Variants in DERA observed in about 807,000 individuals in gnomAD.
The protein encoded by DERA is 2-deoxy-D-ribose 5-phosphate aldolase.
A neutral mutation model predicts 41.1 loss-of-function variants in DERA; 15 were observed. The observed-to-expected ratio is 0.37, with a 90% CI of 0.24 to 0.56. DERA has a LOEUF of 0.56. Ranked by LOEUF, DERA falls within the 20% of genes least tolerant of loss-of-function variation. The pLI, the probability that DERA is intolerant of heterozygous loss-of-function variation, is 0.81. For missense variants in DERA, 396 were observed against 403.4 expected, an observed-to-expected ratio of 0.98 and a Z score of 0.16; for synonymous variants, 139 against 137.4, an observed-to-expected ratio of 1.01 and a Z score of -0.08.
rs529932657 is a variant in DERA, at chr12:16,021,634, G to A, written c.638-10908G>A. 6.6e-5 allele frequency among the ~76,000 whole-genome samples: 10 copies of A among 152,346 alleles called. No homozygotes were observed. The highest frequency in any genetic ancestry group is 2.4e-4 in the African/African-American group (10 of 41,578). Reference sequence around the variant, plus strand: ...GCAACTACCACATGGAAAAGCCACAGGGCAGAGCTTTCCAAGGACTTAGGA... The same window carrying A: ...GCAACTACCACATGGAAAAGCCACAAGGCAGAGCTTTCCAAGGACTTAGGA... On this transcript the variant is annotated intron_variant, in intron 6 of 8. Coordinates refer to ENST00000428559, the MANE Select transcript of DERA (RefSeq NM_015954.4). This position sits in a 1 kb window ranked among gnomAD's most constrained non-coding sequence, Gnocchi z 5.3.
intron 1 of DERA, among the ~76,000 whole-genome samples, chr12:15,949,175 A>G (rs1948476320): frequency 1.3e-5 from 2 of 152,136 alleles, no homozygotes; most frequent in South Asian, 2.1e-4. Context: ...CAGTCTGTCC[A>G]TTCTCAGATC....
At chr12:15,955,090 G>C (rs569487640) in intron 1 of DERA, among the ~76,000 whole-genome samples, 2 of 151,798 alleles carry the variant, frequency 1.3e-5, no homozygotes, top group African/African-American at 4.8e-5. Context: ...ACTTGAGGTC[G>C]GGAGTTCGAT....
intron 5 of DERA, chr12:15,971,937 CT>C: frequency 1.7e-5 from 5 of 302,564 alleles, no homozygotes; most frequent in Non-Finnish European, 3.2e-5. Context: ...TCCTGAATTT[CT>C]TTTTGGCTTC....
Position 16,036,223 on chromosome 12 carries a change from C to T in DERA, c.751-9C>T. Reference sequence around the variant, plus strand: ...TAAAGATTGTTCTATTCTCTGCCTTCCCATTTAGATAGGGTTTAAACCAGC... The same window carrying T: ...TAAAGATTGTTCTATTCTCTGCCTTTCCATTTAGATAGGGTTTAAACCAGC... On this transcript the variant is annotated splice_polypyrimidine_tract_variant and intron_variant, in intron 7 of 8. Transcript: ENST00000428559. This position sits in a 1 kb window ranked among gnomAD's most constrained non-coding sequence, Gnocchi z 4.9. The T allele has an allele frequency of 6.3e-7, 1 of 1,590,392 alleles. No homozygotes were observed. The highest frequency in any genetic ancestry group is 8.5e-7 in the Non-Finnish European group (1 of 1,170,352).
chr12:15,923,864 G>A (rs757261442), intron 1 of DERA, among the ~76,000 whole-genome samples: 2 of 151,864 alleles, frequency 1.3e-5, no homozygotes, highest in Non-Finnish European at 2.9e-5. Flanking sequence ...TCCATATTTG[G>A]TTAAACTTTT....
At chr12:16,018,023 T>A (rs1948994412) in intron 6 of DERA, among the ~76,000 whole-genome samples, 1 of 152,180 alleles carries the variant, frequency 6.6e-6, no homozygotes, top group Non-Finnish European at 1.5e-5. Flanking sequence ...CTTTTTAAGA[T>A]CTTACTAGTA....
chr12:15,964,007 A>G (rs576705329), intron 5 of DERA, among the ~76,000 whole-genome samples: 50 of 152,180 alleles, frequency 3.3e-4, no homozygotes, highest in Non-Finnish European at 5.3e-4. Flanking sequence ...TCTCTTATAT[A>G]AAGTCCAGGG....
chr12:15,932,651 A>G (rs901092050), intron 1 of DERA, among the ~76,000 whole-genome samples: 27 of 152,130 alleles, frequency 1.8e-4, no homozygotes, highest in African/African-American at 6.5e-4. Flanking sequence ...AAAAAAAAAA[A>G]AGTTTCACTA....
At chr12:15,991,846 AG>A (rs1237139015) in intron 6 of DERA, among the ~76,000 whole-genome samples, 1 of 152,122 alleles carries the variant, frequency 6.6e-6, no homozygotes, top group Non-Finnish European at 1.5e-5. Context: ...GAAACATTCC[AG>A]GTACTTCTGT....
chr12:15,917,749 G>C (rs1948211045), intron 1 of DERA, among the ~76,000 whole-genome samples: 1 of 152,172 alleles, frequency 6.6e-6, no homozygotes, highest in African/African-American at 2.4e-5. Flanking sequence ...CCACAGACTG[G>C]GGTAGGGGTG....
rs1948876453 is a variant in DERA at position 16,001,805 on chromosome 12, G to A, written c.637+19369G>A. 6.6e-6 allele frequency among the ~76,000 whole-genome samples: 1 copy of A among 152,128 alleles called. No homozygotes were observed. The highest frequency in any genetic ancestry group is 2.4e-5 in the African/African-American group (1 of 41,412). On this transcript the variant is annotated intron_variant, in intron 6 of 8. Coordinates refer to ENST00000428559, the MANE Select transcript of DERA (RefSeq NM_015954.4). This position sits in a 1 kb window ranked among gnomAD's most constrained non-coding sequence, Gnocchi z 4.1. ...TGCTTCCCTGAGTCAGAAGTGGCAG[G>A]CACACTAGACGAAGCAGCATTTTGC...
At chr12:15,946,416 G>A (rs1948449235) in intron 1 of DERA, among the ~76,000 whole-genome samples, 1 of 152,078 alleles carries the variant, frequency 6.6e-6, no homozygotes, top group Admixed American at 6.5e-5. Flanking sequence ...GCCTGTTATT[G>A]GTCTATTCAG....
At chr12:16,032,283 C>T (rs185534502) in intron 6 of DERA, among the ~76,000 whole-genome samples, 235 of 152,206 alleles carry the variant, frequency 1.5e-3, no homozygotes, top group Admixed American at 3.5e-3. Flanking sequence ...TTTTAATTGG[C>T]ATTGTGGAAA....
At position 16,000,434 on chromosome 12, in the gene DERA, C is replaced by T. The variant is rs3782535; in HGVS notation, c.637+17998C>T. 0.065 allele frequency among the ~76,000 whole-genome samples: 9,924 copies of T among 152,164 alleles called. 1,041 individuals are homozygous for T. Among genetic ancestry groups the T allele is most frequent in the African/African-American group, 0.22 (9,138 of 41,464 alleles). ...TGTAAATCAAAATGCAGAACTAATA[C>T]ATTTGTTTTAGTGATTCAGGAGGAA... On this transcript the variant is annotated intron_variant, in intron 6 of 8. Transcript: ENST00000428559. This position sits in a 1 kb window ranked among gnomAD's most constrained non-coding sequence, Gnocchi z 4.8.
chr12:15,958,081 T>C (rs1021665537), intron 2 of DERA, 107 bp from the exon 3 acceptor site: 6 of 858,436 alleles, frequency 7.0e-6, no homozygotes, highest in East Asian at 2.7e-5. Flanking sequence ...GCATAAGATA[T>C]TAACACCCAT....
intron 6 of DERA, among the ~76,000 whole-genome samples, chr12:16,007,189 G>GTT (rs11287161): frequency 4.3e-4 from 45 of 104,972 alleles, no homozygotes; most frequent in Non-Finnish European, 7.3e-4. Flanking sequence ...TTTTTTTTTT[G>GTT]TTTTTTTTTT....
intron 5 of DERA, among the ~76,000 whole-genome samples, chr12:15,963,686 A>G (rs1309685781): frequency 6.6e-6 from 1 of 152,222 alleles, no homozygotes; most frequent in Middle Eastern, 3.2e-3. Context: ...TAATGAAATC[A>G]CAAGTTAAAG....
rs570698418 is a variant in DERA at position 15,936,957 on chromosome 12, T to C, written c.32-19979T>C. On this transcript the variant is annotated intron_variant, in intron 1 of 8. Transcript: ENST00000428559. This position sits in a 1 kb window ranked among gnomAD's most constrained non-coding sequence, Gnocchi z 4.6. ...TGTCTTGTCCTGTCCCGTCCTGTCC[T>C]GCCCTGCCCTGCCCTGTCTTGTCTT... is the stretch of plus-strand genomic sequence containing the variant. 0.038 allele frequency among the ~76,000 whole-genome samples: 5,535 copies of C among 143,934 alleles called. 368 individuals are homozygous for C. Among genetic ancestry groups the C allele is most frequent in the African/African-American group, 0.14 (5,044 of 37,010 alleles). 94.4% of individuals were successfully genotyped at this position (143,934 alleles called of 152,430 possible).
intron 6 of DERA, among the ~76,000 whole-genome samples, chr12:16,007,269 C>T (rs376204119): frequency 1.6e-4 from 25 of 151,526 alleles, no homozygotes; most frequent in East Asian, 9.7e-4. Flanking sequence ...CTGCAACCTC[C>T]GCCTCCGGGG....
Sources: allele counts gnomAD v4.1 joint callset (sites outside exome capture counted in the v4.1 genomes callset), GRCh38; gene constraint gnomAD v4.1.1; non-coding constraint Gnocchi (gnomAD v3.1); transcripts MANE v1.5; gene names NCBI Gene and HGNC (gene_info 2026-07-23, HGNC 2026-07-21).